Variants in WDR25 observed in about 807,000 individuals in gnomAD.
WDR25 encodes the protein WD repeat-containing protein 25.
A neutral mutation model predicts 47.7 loss-of-function variants in WDR25; 35 were observed. The ratio of observed to expected loss-of-function variants is 0.73; its 90% CI spans 0.56 to 0.97. The LOEUF (loss-of-function observed/expected upper bound fraction) is 0.97. Ranked by LOEUF, WDR25 falls within the 50% of genes least tolerant of loss-of-function variation. The pLI is 0.00. For synonymous variants in WDR25, 248 were observed against 278.9 expected (o/e 0.89, Z 1.10); for missense variants, 634 against 704.7 (o/e 0.90, Z 1.14).
In WDR25 at chr14:100,502,177, G is replaced by A. The variant is rs1370610469; in HGVS notation, c.1101+18053G>A. ...GCATGGCCCCTTGATAGTTGTGGGA[G>A]GTGCAGGCAGAGCCCCCCACTGTGG... is the stretch of plus-strand genomic sequence containing the variant. On this transcript the variant is annotated intron_variant, in intron 4 of 6. Transcript: ENST00000402312. This position sits in a 1 kb window ranked among gnomAD's most constrained non-coding sequence, Gnocchi z 4.5. 1.3e-5 allele frequency among the ~76,000 whole-genome samples: 2 copies of A among 152,210 alleles called. No homozygotes were observed. Among genetic ancestry groups the A allele is most frequent in the African/African-American group, 4.8e-5 (2 of 41,466 alleles).
chr14:100,428,258 C>G lies in WDR25; in HGVS notation c.823-39763C>G, dbSNP rs1228005855. ...GTGCCTCAGCCTATCTTGGGTCCCCCTCTGCCTACAGGCAGTGAGTGTGGC... is the reference window on the plus strand; with the variant it reads ...GTGCCTCAGCCTATCTTGGGTCCCCGTCTGCCTACAGGCAGTGAGTGTGGC... On this transcript the variant is annotated intron_variant, in intron 2 of 6. Coordinates refer to ENST00000402312, the MANE Select transcript of WDR25 (RefSeq NM_001161476.3). The surrounding 1 kb of genome is among the most constrained non-coding windows in gnomAD (Gnocchi z 4.3). Among the ~76,000 whole-genome samples the G allele has an allele frequency of 3.3e-5, 5 of 152,242 alleles. No homozygotes were observed.
chr14:100,462,913 C>CTT (rs111681661), intron 2 of WDR25, among the ~76,000 whole-genome samples: 4 of 43,778 alleles, frequency 9.1e-5, no homozygotes, highest in African/African-American at 5.4e-4. Flanking sequence ...TCCTCTCCCC[C>CTT]GCTCCTTCCT....
Position 100,529,444 on chromosome 14 carries a change from G to A in WDR25, c.1413+236G>A, listed in dbSNP as rs186338918. 3.1e-5 allele frequency: 20 copies of A among 639,374 alleles called. No individual in the cohort carries two copies. The East Asian group carries it at 5.6e-4, about 18-fold the overall frequency. The allele number at this position is 639,374 out of a possible 1,614,324, so 39.6% of individuals were successfully genotyped here. A position where few individuals can be genotyped will look rare whatever the true frequency, so the allele number is the denominator to read the frequency against. On this transcript the variant is annotated intron_variant, in intron 6 of 6. Transcript: ENST00000402312. The surrounding 1 kb of genome is among the most constrained non-coding windows in gnomAD (Gnocchi z 5.1). ...AAGCAGTAGTTGGCTCACACAGACA[G>A]GTCTCAGAAGTGGGGGGCAGGAACA... is the stretch of plus-strand genomic sequence containing the variant.
At chr14:100,439,442 C>G (rs1898601079) in intron 2 of WDR25, among the ~76,000 whole-genome samples, 2 of 152,204 alleles carry the variant, frequency 1.3e-5, no homozygotes. Flanking sequence ...CCGCCCACAG[C>G]AGGTATTCAA....
rs921913979 is a variant in WDR25 at position 100,474,533 on chromosome 14, A to G, written c.970+6365A>G. On this transcript the variant is annotated intron_variant, in intron 3 of 6. Transcript: ENST00000402312. ...GCCCTTGTTAGGTAAGGCTGCCATT[A>G]TTGACTGACTCTGGAGCCCAAACGT... Among the ~76,000 whole-genome samples the G allele has an allele frequency of 2.6e-5, 4 of 152,218 alleles. 1 individual carries two copies. The highest frequency in any genetic ancestry group is 4.4e-5 in the Non-Finnish European group (3 of 68,038).
At chr14:100,439,388 G>A (rs184527211) in intron 2 of WDR25, among the ~76,000 whole-genome samples, 1 of 152,230 alleles carries the variant, frequency 6.6e-6, no homozygotes, top group Non-Finnish European at 1.5e-5. Flanking sequence ...TCATCTGATG[G>A]CATTTTGTGT....
At chr14:100,426,015 C>A (rs1361878485) in intron 2 of WDR25, among the ~76,000 whole-genome samples, 1 of 152,234 alleles carries the variant, frequency 6.6e-6, no homozygotes, top group Non-Finnish European at 1.5e-5. Flanking sequence ...CGCACGCCGT[C>A]ATCGTGAATA....
At chr14:100,412,125 C>T (rs945430999) in intron 2 of WDR25, among the ~76,000 whole-genome samples, 3 of 148,738 alleles carry the variant, frequency 2.0e-5, no homozygotes, top group South Asian at 2.1e-4. Flanking sequence ...GAGGATCACT[C>T]GAGTCCAGGA....
intron 2 of WDR25, among the ~76,000 whole-genome samples, chr14:100,399,792 G>A (rs1399467819): frequency 6.6e-6 from 1 of 152,120 alleles, no homozygotes; most frequent in South Asian, 2.1e-4. Flanking sequence ...GGTCATTTTT[G>A]ATTTCAAAAT....
intron 2 of WDR25, among the ~76,000 whole-genome samples, chr14:100,458,534 C>T (rs2140279030): frequency 6.6e-6 from 1 of 152,216 alleles, no homozygotes; most frequent in East Asian, 1.9e-4. Context: ...ATTTATAAGA[C>T]TGGAACAACA....
intron 2 of WDR25, among the ~76,000 whole-genome samples, chr14:100,403,367 T>A (rs1897437401): frequency 6.6e-6 from 1 of 152,024 alleles, no homozygotes; most frequent in Non-Finnish European, 1.5e-5. Flanking sequence ...TATGGCCAAA[T>A]GTTGGGAGAG....
chr14:100,381,679 T>C lies in WDR25; in HGVS notation c.755T>C (p.Ile252Thr). The C allele has an allele frequency of 6.2e-7, 1 of 1,614,146 alleles. No homozygotes were observed. ...GGCCACAGGGGCCCTGTCAACACCATTCAGTGGTGTCCAGTCCTTTCTAAG... is the reference window on the plus strand; with the variant it reads ...GGCCACAGGGGCCCTGTCAACACCACTCAGTGGTGTCCAGTCCTTTCTAAG... ...LRGHRGPVNT[I>T]QWCPVLSKSH... The change falls in exon 2 of 7, where the codon ATT becomes ACT. Residue 252 changes from isoleucine (I) to threonine (T), a missense_variant. Transcript: ENST00000402312.
chr14:100,510,859 T>G (rs1485165105), intron 4 of WDR25, among the ~76,000 whole-genome samples: 3 of 151,778 alleles, frequency 2.0e-5, no homozygotes, highest in African/African-American at 7.3e-5. Flanking sequence ...TTCTTTGGCC[T>G]CCCAAAGAGT....
intron 2 of WDR25, among the ~76,000 whole-genome samples, chr14:100,412,320 G>A (rs1897735074): frequency 6.6e-6 from 1 of 152,086 alleles, no homozygotes; most frequent in Non-Finnish European, 1.5e-5. Context: ...TGCACGGAAA[G>A]TGCTGAGGGC....
At chr14:100,514,160 T>C (rs191812855) in intron 4 of WDR25, among the ~76,000 whole-genome samples, 11,251 of 151,820 alleles carry the variant, frequency 0.074, 1,372 homozygotes, top group African/African-American at 0.26. Flanking sequence ...ATGGTCTCGA[T>C]CTCCTGACCT....
chr14:100,464,184 G>A (rs1490271194), intron 2 of WDR25, among the ~76,000 whole-genome samples: 2 of 152,216 alleles, frequency 1.3e-5, no homozygotes, highest in East Asian at 3.9e-4. Flanking sequence ...TCTTGCTGTT[G>A]CTTGACCATG....
rs778309313 is a variant in WDR25, at chr14:100,498,290, G to T, written c.1101+14166G>T. ...GCGGAGGGAGATGGATGTGCTGAGA[G>T]GAGACTGAGGGCCACGTTCCGTAAC... On this transcript the variant is annotated intron_variant, in intron 4 of 6. Transcript: ENST00000402312. The surrounding 1 kb of genome is among the most constrained non-coding windows in gnomAD (Gnocchi z 4.2). Among the ~76,000 whole-genome samples the T allele has an allele frequency of 6.6e-6, 1 of 152,212 alleles. No individual in the cohort carries two copies. The highest frequency in any genetic ancestry group is 1.5e-5 in the Non-Finnish European group (1 of 68,044).
chr14:100,397,967 T>C (rs1897296636), intron 2 of WDR25, among the ~76,000 whole-genome samples: 1 of 152,120 alleles, frequency 6.6e-6, no homozygotes, highest in Admixed American at 6.5e-5. Flanking sequence ...GCCTCCTGAG[T>C]AGCTGGGATT....
chr14:100,496,825 A>ATTT (rs1900742794), intron 4 of WDR25, among the ~76,000 whole-genome samples: 9 of 88,278 alleles, frequency 1.0e-4, no homozygotes, highest in East Asian at 3.8e-4. Flanking sequence ...TTTTTCTTTA[A>ATTT]TTCTTTTTTT....
Sources: allele counts gnomAD v4.1 joint callset (sites outside exome capture counted in the v4.1 genomes callset), GRCh38; gene constraint gnomAD v4.1.1; non-coding constraint Gnocchi (gnomAD v3.1); transcripts MANE v1.5; gene names NCBI Gene and HGNC (gene_info 2026-07-23, HGNC 2026-07-21).